The following PHGDH variants were observed in gnomAD, a reference collection of about 807,000 sequenced individuals.
PHGDH encodes the protein phosphoglycerate dehydrogenase, also known as D-3-phosphoglycerate dehydrogenase.
Under a neutral mutation model 52.6 loss-of-function variants are expected in PHGDH, and 50 were observed. The ratio of observed to expected loss-of-function variants is 0.95; its 90% CI spans 0.76 to 1.20. The LOEUF is 1.20. Ranked by LOEUF, PHGDH falls within the 50% of genes most tolerant of loss-of-function variation. The pLI, the probability that PHGDH is intolerant of heterozygous loss-of-function variation, is 0.00. For missense variants in PHGDH, 630 were observed against 684.6 expected (o/e 0.92, Z 0.89); for synonymous variants, 271 against 280.5 (o/e 0.97, Z 0.34).
intron 8 of PHGDH, 32 bp downstream of exon 8, chr1:119,737,298 G>A (rs757666220): frequency 2.5e-6 from 4 of 1,589,838 alleles, no homozygotes; most frequent in Non-Finnish European, 3.4e-6. Context: ...TGGGGGCCAG[G>A]AGTCAGAGGG....
chr1:119,722,821 A>G (rs532303), intron 2 of PHGDH, among the ~76,000 whole-genome samples: 106,088 of 150,588 alleles, frequency 0.7, 37,564 homozygotes, highest in East Asian at 0.94. Context: ...GATTGCTTGA[A>G]CCCTGGGAAG....
In PHGDH at chr1:119,744,115, A is replaced by T; in HGVS notation, c.*75A>T. On this transcript the variant is annotated 3_prime_UTR_variant, in exon 12 of 12. Transcript: ENST00000641023. Reference sequence around the variant, plus strand: ...CCCACTGTGATCAATAGGGAGAGAAAATCCACATTCTTGGGCTGAACGCGG... The same window carrying T: ...CCCACTGTGATCAATAGGGAGAGAATATCCACATTCTTGGGCTGAACGCGG... The T allele has an allele frequency of 1.4e-6, 2 of 1,408,070 alleles. No individual in the cohort carries two copies. Among genetic ancestry groups the T allele is most frequent in the East Asian group, 4.5e-5 (2 of 43,960 alleles). The allele number at this position is 1,408,070 out of a possible 1,614,324, so 87.2% of individuals were successfully genotyped here.
At chr1:119,727,359 T>A (rs1281670157) in intron 5 of PHGDH, 1 of 542,834 alleles carries the variant, frequency 1.8e-6, no homozygotes, top group Admixed American at 3.1e-5. Context: ...GAACCAGGTG[T>A]TGATGGCTCT....
chr1:119,721,455 G>A (rs766955401), intron 2 of PHGDH, 134 bp downstream of exon 2: 5 of 811,066 alleles, frequency 6.2e-6, no homozygotes, highest in Non-Finnish European at 9.7e-6. Context: ...GCCTGGTCTA[G>A]GGCCTGCATG....
chr1:119,737,013 C>G (rs1160937411), intron 7 of PHGDH, 101 bp from the exon 8 acceptor site: 1 of 1,135,894 alleles, frequency 8.8e-7, no homozygotes, highest in Non-Finnish European at 1.3e-6. Context: ...GGCACCAGAA[C>G]TCCTGACTGC....
intron 5 of PHGDH, among the ~76,000 whole-genome samples, chr1:119,732,488 C>G (rs1651740954): frequency 6.6e-6 from 1 of 152,200 alleles, no homozygotes; most frequent in Non-Finnish European, 1.5e-5. Flanking sequence ...CACCAGGACC[C>G]TGACAGGCAC....
rs756216011 is a variant in PHGDH, at chr1:119,734,832, C to T, written c.643+66C>T. 1.2e-5 allele frequency: 19 copies of T among 1,540,566 alleles called. No homozygotes were observed. In the African/African-American group the frequency reaches 2.0e-4, roughly 17 times the overall value. On this transcript the variant is annotated intron_variant, in intron 6 of 11. Coordinates refer to ENST00000641023, the MANE Select transcript of PHGDH (RefSeq NM_006623.4). ...CAGACCAGTTAACAAATGGGCCCTC[C>T]ATCTGGGCCTTCCCCAGACAGTGGT...
intron 3 of PHGDH, chr1:119,725,109 G>A: frequency 4.9e-6 from 2 of 411,488 alleles, no homozygotes; most frequent in Non-Finnish European, 9.8e-6. Context: ...GAAGGAAGGA[G>A]AGAATCAACA....
At chr1:119,737,563 C>A (rs1055936574) in intron 8 of PHGDH, among the ~76,000 whole-genome samples, 2 of 152,158 alleles carry the variant, frequency 1.3e-5, no homozygotes, top group African/African-American at 4.8e-5. Flanking sequence ...CTCCTTTGTT[C>A]TCCACATGCC....
chr1:119,717,922 T>G (rs1651002001), intron 1 of PHGDH, among the ~76,000 whole-genome samples: 1 of 152,192 alleles, frequency 6.6e-6, no homozygotes, highest in South Asian at 2.1e-4. Flanking sequence ...GGGGGACTGA[T>G]GAGGGTGGTT....
chr1:119,718,603 T>C (rs1413106986), intron 1 of PHGDH, among the ~76,000 whole-genome samples: 2 of 152,172 alleles, frequency 1.3e-5, no homozygotes, highest in African/African-American at 4.8e-5. Context: ...TCTGTAAGAG[T>C]GACCTTGGGC....
chr1:119,733,341 TTTA>T (rs1300273673), intron 5 of PHGDH, among the ~76,000 whole-genome samples: 2 of 147,986 alleles, frequency 1.4e-5, no homozygotes, highest in African/African-American at 5.1e-5. Context: ...TTTATTTTGT[TTTA>T]TTTTTTTTTT....
At position 119,734,585 on chromosome 1, in the gene PHGDH, A is replaced by G. The variant is rs372621702; in HGVS notation, c.511-49A>G. On this transcript the variant is annotated intron_variant, in intron 5 of 11. Coordinates refer to ENST00000641023, the MANE Select transcript of PHGDH (RefSeq NM_006623.4). ...GTTTGCCATTCTTAATAATAACAAT[A>G]CTAATAATTAAGAATGACACTTCCT... 3 of 1,569,672 alleles carry G rather than the reference A, an allele frequency of 1.9e-6. No individual in the cohort carries two copies. In the South Asian group the frequency reaches 3.3e-5, roughly 17 times the overall value.
intron 10 of PHGDH, chr1:119,742,499 G>T: frequency 1.9e-6 from 1 of 532,744 alleles, no homozygotes; most frequent in Non-Finnish European, 3.4e-6. Flanking sequence ...AGCAGGAGGG[G>T]CCAGAGTGGA....
At chr1:119,721,024 A>G in intron 1 of PHGDH, 146 bp from the exon 2 acceptor site, 1 of 801,638 alleles carries the variant, frequency 1.2e-6, no homozygotes. Context: ...TGAGTATACC[A>G]AAGATATCTA....
At chr1:119,722,847 G>T (rs1570992799) in intron 2 of PHGDH, among the ~76,000 whole-genome samples, 2 of 150,262 alleles carry the variant, frequency 1.3e-5, no homozygotes, top group East Asian at 2.0e-4. Context: ...GCTGCAGTGA[G>T]CTGTGATCAT....
Position 119,737,169 on chromosome 1 carries a change from A to G in PHGDH, c.848A>G (p.His283Arg). Residue 283 changes from histidine to arginine, a missense_variant, in exon 8 of 12, where the codon CAC becomes CGC. By Grantham distance (29) the His-to-Arg change is conservative. Transcript: ENST00000641023. Reference sequence around the variant, plus strand: ...CATGAGAATGTCATCAGCTGTCCCCACCTGGGTGCCAGCACCAAGGAGGCT... The same window carrying G: ...CATGAGAATGTCATCAGCTGTCCCCGCCTGGGTGCCAGCACCAAGGAGGCT... ...VDHENVISCP[H>R]LGASTKEAQS... 1.2e-6 allele frequency: 2 copies of G among 1,613,772 alleles called. No homozygotes were observed. Among genetic ancestry groups the G allele is most frequent in the Non-Finnish European group, 8.5e-7 (1 of 1,179,646 alleles).
At chr1:119,712,382 C>G (rs998335138) in intron 1 of PHGDH, 1 of 548,466 alleles carries the variant, frequency 1.8e-6, no homozygotes, top group South Asian at 2.0e-5. Context: ...GCAACCGCGT[C>G]TTTCACGTTG....
chr1:119,736,336 G>C (rs1219283988), intron 7 of PHGDH, among the ~76,000 whole-genome samples: 1 of 152,194 alleles, frequency 6.6e-6, no homozygotes, highest in African/African-American at 2.4e-5. Flanking sequence ...GCTCTCTTCA[G>C]CATCCTTGAA....
Sources: gnomAD v4.1 joint callset for allele counts (sites outside exome capture counted in the v4.1 genomes callset) on GRCh38, gnomAD v4.1.1 for gene constraint, MANE v1.5 for transcripts, NCBI Gene and HGNC (gene_info 2026-07-23, HGNC 2026-07-21) for gene names.